Variants in CAPN5 observed in about 807,000 individuals in gnomAD.
CAPN5 encodes calpain 5.
In CAPN5, 54 loss-of-function variants were observed where a neutral mutation model predicts 73.0. The ratio of observed to expected loss-of-function variants is 0.74; its 90% CI spans 0.59 to 0.93. CAPN5 has a LOEUF of 0.93. Ranked by LOEUF, CAPN5 falls within the 40% of genes least tolerant of loss-of-function variation. CAPN5 has a pLI of 0.00. For synonymous variants in CAPN5, 335 were observed against 356.9 expected (o/e 0.94, Z 0.69); for missense variants, 785 against 882.9 (o/e 0.89, Z 1.41).
intron 3 of CAPN5, among the ~76,000 whole-genome samples, chr11:77,097,479 T>TG (rs1565266500): frequency 1.0e-4 from 15 of 144,206 alleles, no homozygotes; most frequent in Non-Finnish European, 1.2e-4. Context: ...TTTTTTTTTT[T>TG]TTTTTTTTTT....
Position 77,067,029 on chromosome 11 carries a change from C to A in CAPN5, c.-101C>A, listed in dbSNP as rs1949848445. On this transcript the variant is annotated 5_prime_UTR_variant, in exon 1 of 13. Coordinates refer to ENST00000648180, the MANE Select transcript of CAPN5 (RefSeq NM_004055.5). ...CTGCTGCGCCGGGCGGCTGCAGCCT[C>A]CGCTCCAGCGCCCGCGCCGTGCCCT... 1 of 152,132 alleles carries A rather than the reference C, an allele frequency of 6.6e-6. No individual in the cohort carries two copies. Among genetic ancestry groups the A allele is most frequent in the African/African-American group, 2.4e-5 (1 of 41,458 alleles). 9.4% of individuals were successfully genotyped at this position (152,132 alleles called of 1,614,324 possible).
At chr11:77,070,966 C>T (rs782202069) in intron 1 of CAPN5, among the ~76,000 whole-genome samples, 2 of 152,234 alleles carry the variant, frequency 1.3e-5, no homozygotes, top group Admixed American at 6.5e-5. Flanking sequence ...AAGCCAAGAT[C>T]GTCTCCCTGT....
In CAPN5 at chr11:77,112,781, G is replaced by A. The variant is rs1950425385; in HGVS notation, c.490G>A (p.Glu164Lys). ...SRNEFWCALVEKAYAKLAGCY... is the reference protein window; with the variant it reads ...SRNEFWCALVKKAYAKLAGCY... The stretch of plus-strand genomic sequence containing the variant: ...CAATGAGTTTTGGTGCGCCCTAGTG[G>A]AGAAGGCCTATGCCAAGTAGGTGCC... The change falls in exon 4 of 13, where the codon GAG becomes AAG. Residue 164 changes from glutamate to lysine, a missense_variant. Transcript: ENST00000648180. 6.2e-7 allele frequency: 1 copy of A among 1,614,236 alleles called. No homozygotes were observed.
At chr11:77,097,340 C>T (rs1436310607) in intron 3 of CAPN5, among the ~76,000 whole-genome samples, 3 of 152,126 alleles carry the variant, frequency 2.0e-5, no homozygotes, top group Non-Finnish European at 2.9e-5. Context: ...CCAGCTATGC[C>T]CTGAGAACCA....
intron 3 of CAPN5, among the ~76,000 whole-genome samples, chr11:77,106,914 C>T (rs1169478731): frequency 1.3e-5 from 2 of 152,220 alleles, no homozygotes; most frequent in Non-Finnish European, 2.9e-5. Context: ...GTGTCCTCCT[C>T]CGTCACCATC....
intron 12 of CAPN5, 102 bp from the exon 13 acceptor site, chr11:77,123,586 T>C: frequency 1.0e-6 from 1 of 965,260 alleles, no homozygotes; most frequent in Non-Finnish European, 1.6e-6. Context: ...CAGCCAGGCT[T>C]GCACTTCAAG....
chr11:77,118,379 T>C (rs564120194), intron 8 of CAPN5, 27 bp downstream of exon 8: 1 of 1,533,786 alleles, frequency 6.5e-7, no homozygotes, highest in Non-Finnish European at 8.8e-7. Flanking sequence ...ACCCCCACCC[T>C]GCCCTGTAGC....
At chr11:77,072,056 C>A (rs555156901) in intron 1 of CAPN5, among the ~76,000 whole-genome samples, 1 of 152,202 alleles carries the variant, frequency 6.6e-6, no homozygotes, top group Non-Finnish European at 1.5e-5. Flanking sequence ...CCTCCTTTCC[C>A]GTTGACCTTC....
At chr11:77,110,341 G>A (rs1391236129) in intron 3 of CAPN5, among the ~76,000 whole-genome samples, 1 of 152,146 alleles carries the variant, frequency 6.6e-6, no homozygotes, top group East Asian at 1.9e-4. Flanking sequence ...CACCTGCCTT[G>A]GCCTCCCATG....
chr11:77,108,931 A>T (rs1234879719), intron 3 of CAPN5, among the ~76,000 whole-genome samples: 1 of 152,184 alleles, frequency 6.6e-6, no homozygotes, highest in Admixed American at 6.5e-5. Context: ...CTAGTAAATT[A>T]TCTATCAAAG....
At chr11:77,117,670 C>G (rs1289272166) in intron 7 of CAPN5, among the ~76,000 whole-genome samples, 1 of 152,204 alleles carries the variant, frequency 6.6e-6, no homozygotes, top group Non-Finnish European at 1.5e-5. Flanking sequence ...TGTGCAGTGA[C>G]CATAGCAACA....
chr11:77,112,487 C>T, intron 3 of CAPN5, 102 bp from the exon 4 acceptor site: 1 of 902,444 alleles, frequency 1.1e-6, no homozygotes, highest in African/African-American at 1.6e-5. Flanking sequence ...CCCAGTATTC[C>T]TTTACATTCC....
At chr11:77,087,747 C>CACA in intron 2 of CAPN5, among the ~76,000 whole-genome samples, 2 of 152,234 alleles carry the variant, frequency 1.3e-5, no homozygotes, top group South Asian at 4.1e-4. Context: ...AGGTGACAAA[C>CACA]TGGTTCCCCT....
At chr11:77,111,613 C>T (rs1347900965) in intron 3 of CAPN5, among the ~76,000 whole-genome samples, 1 of 152,218 alleles carries the variant, frequency 6.6e-6, no homozygotes, top group Non-Finnish European at 1.5e-5. Context: ...TCAGTCAATG[C>T]ATGTTTACTA....
intron 3 of CAPN5, among the ~76,000 whole-genome samples, chr11:77,104,814 G>A (rs1043711685): frequency 2.5e-4 from 38 of 152,364 alleles, no homozygotes; most frequent in Admixed American, 4.6e-4. Context: ...TGCACTGAGG[G>A]CCAGAGGGTC....
At chr11:77,073,400 G>A (rs528008336) in intron 1 of CAPN5, among the ~76,000 whole-genome samples, 2 of 152,110 alleles carry the variant, frequency 1.3e-5, no homozygotes, top group Non-Finnish European at 2.9e-5. Context: ...TTACAACAGC[G>A]GCTCCTGCTG....
At chr11:77,087,839 C>G in intron 2 of CAPN5, 1 of 1,472,940 alleles carries the variant, frequency 6.8e-7, no homozygotes, top group South Asian at 1.2e-5. Context: ...CCTATTGACT[C>G]TGCAGGTGGG....
rs1950557225 is a variant in CAPN5 at position 77,124,883 on chromosome 11, GC to G, written c.*1019del. ...TAGGGAGCCCCATCACCTGACCACA[GC>G]CCCCCACCAACATTCCCCCAAAATG... On this transcript the variant is annotated 3_prime_UTR_variant, in exon 13 of 13. Coordinates refer to ENST00000648180, the MANE Select transcript of CAPN5 (RefSeq NM_004055.5). The G allele has an allele frequency of 6.5e-6, 1 of 152,966 alleles. No individual in the cohort carries two copies. The highest frequency in any genetic ancestry group is 1.9e-4 in the East Asian group (1 of 5,182). 9.5% of individuals were successfully genotyped at this position (152,966 alleles called of 1,614,324 possible).
At chr11:77,118,041 C>A in intron 7 of CAPN5, 116 bp from the exon 8 acceptor site, 1 of 908,664 alleles carries the variant, frequency 1.1e-6, no homozygotes, top group Admixed American at 2.3e-5. Flanking sequence ...CCTCTCAAAG[C>A]CAGCTGTGTT....
Sources: allele counts gnomAD v4.1 joint callset (sites outside exome capture counted in the v4.1 genomes callset), GRCh38; gene constraint gnomAD v4.1.1; transcripts MANE v1.5; gene names NCBI Gene and HGNC (gene_info 2026-07-23, HGNC 2026-07-21).